The following TCF7L2 variants were observed in gnomAD, a reference collection of about 807,000 sequenced individuals.
The protein encoded by TCF7L2 is transcription factor 7-like 2.
TCF7L2 carries 23 observed loss-of-function variants against 77.9 expected under a neutral mutation model. The ratio of observed to expected loss-of-function variants is 0.30; its 90% confidence interval spans 0.21 to 0.42. The LOEUF (loss-of-function observed/expected upper bound fraction) is 0.42. Ranked by LOEUF, TCF7L2 falls within the 10% of genes least tolerant of loss-of-function variation. TCF7L2 has a pLI of 1.00. For synonymous variants in TCF7L2, 413 were observed against 340.2 expected (o/e 1.21, Z -2.36); for missense variants, 654 against 793.1 (o/e 0.82, Z 2.11).
chr10:112,986,107 C>T (rs190685769), intron 4 of TCF7L2, among the ~76,000 whole-genome samples: 1 of 152,054 alleles, frequency 6.6e-6, no homozygotes, highest in East Asian at 1.9e-4. Flanking sequence ...GCCTTAGCCA[C>T]TTCCTCTTTC....
At chr10:113,096,184 G>T (rs964159717) in intron 5 of TCF7L2, among the ~76,000 whole-genome samples, 1 of 152,120 alleles carries the variant, frequency 6.6e-6, no homozygotes, top group Non-Finnish European at 1.5e-5. Flanking sequence ...CTGCAGGGGT[G>T]GTTTTGACTT....
intron 13 of TCF7L2, among the ~76,000 whole-genome samples, chr10:113,162,824 T>C (rs1045930360): frequency 6.6e-6 from 1 of 152,126 alleles, no homozygotes; most frequent in Non-Finnish European, 1.5e-5. Flanking sequence ...ACCCTTAGTT[T>C]CCTTTCAGAA....
At chr10:113,098,049 C>CAAAAAAAAAAAAA (rs34632183) in intron 5 of TCF7L2, among the ~76,000 whole-genome samples, 1 of 59,368 alleles carries the variant, frequency 1.7e-5, no homozygotes, top group Non-Finnish European at 3.1e-5. Flanking sequence ...GACTCTGTCT[C>CAAAAAAAAAAAAA]AAAAAAAAAA....
intron 3 of TCF7L2, among the ~76,000 whole-genome samples, chr10:112,957,144 C>T (rs2033838751): frequency 6.7e-6 from 1 of 150,264 alleles, no homozygotes; most frequent in African/African-American, 2.5e-5. Context: ...TCTTTTCTCC[C>T]TTTTTCCTTT....
intron 5 of TCF7L2, among the ~76,000 whole-genome samples, chr10:113,132,317 G>A (rs935853603): frequency 6.6e-6 from 1 of 152,214 alleles, no homozygotes; most frequent in Non-Finnish European, 1.5e-5. Flanking sequence ...GCTGAGATTC[G>A]AAAGTTAGGC....
At chr10:112,957,996 A>G (rs2034112746) in intron 3 of TCF7L2, among the ~76,000 whole-genome samples, 1 of 152,196 alleles carries the variant, frequency 6.6e-6, no homozygotes, top group Admixed American at 6.5e-5. Context: ...TTAAAGACCC[A>G]GGCCGAAAGG....
rs1038736935 is a variant in TCF7L2, at chr10:113,107,674, C to T, written c.553-33510C>T. On this transcript the variant is annotated intron_variant, in intron 5 of 13. Coordinates refer to ENST00000627217, the MANE Select transcript of TCF7L2 (RefSeq NM_001146274.2). ...AGGAGAATGGCGTGAACCCGGGAGG[C>T]GGAGCTTACAGCGAGCTTGCAGTGA... Among the ~76,000 whole-genome samples, 10 of 137,336 alleles carry T rather than the reference C, an allele frequency of 7.3e-5. No homozygotes were observed. In the South Asian group the frequency reaches 1.5e-3, roughly 20 times the overall value. The allele number at this position is 137,336 out of a possible 152,430, so 90.1% of individuals were successfully genotyped here.
rs2074052642 is a variant in TCF7L2, at chr10:113,166,582, G to A, written c.*610G>A. 1 of 228,016 alleles carries A rather than the reference G, an allele frequency of 4.4e-6. No homozygotes were observed. The highest frequency in any genetic ancestry group is 2.2e-5 in the African/African-American group (1 of 44,908). The allele number at this position is 228,016 out of a possible 1,614,324, so 14.1% of individuals were successfully genotyped here. A position where few individuals can be genotyped will look rare whatever the true frequency, so the allele number is the denominator to read the frequency against. ...ATGGTGTTGTTCTTTTGGGGGGAGGGGACGCTACTCAACACTTAATAGAAT... is the reference window on the plus strand; with the variant it reads ...ATGGTGTTGTTCTTTTGGGGGGAGGAGACGCTACTCAACACTTAATAGAAT... On this transcript the variant is annotated 3_prime_UTR_variant, in exon 14 of 14. Transcript: ENST00000627217.
chr10:112,973,131 G>A (rs931970943), intron 4 of TCF7L2, among the ~76,000 whole-genome samples: 20 of 152,336 alleles, frequency 1.3e-4, no homozygotes, highest in African/African-American at 4.8e-4. Context: ...GATTAGGTCA[G>A]TGTTTCACAA....
chr10:113,051,645 A>G (rs1169269884), intron 5 of TCF7L2, among the ~76,000 whole-genome samples: 1 of 152,212 alleles, frequency 6.6e-6, no homozygotes, highest in Non-Finnish European at 1.5e-5. Flanking sequence ...ATTATACACA[A>G]TCATCCCCCA....
In TCF7L2 at chr10:113,166,803, T is replaced by C. The variant is rs1428540848; in HGVS notation, c.*831T>C. 4.4e-6 allele frequency: 1 copy of C among 228,844 alleles called. No individual in the cohort carries two copies. Among genetic ancestry groups the C allele is most frequent in the Non-Finnish European group, 8.7e-6 (1 of 115,452 alleles). The allele number at this position is 228,844 out of a possible 1,614,324, so 14.2% of individuals were successfully genotyped here. On this transcript the variant is annotated 3_prime_UTR_variant, in exon 14 of 14. Coordinates refer to ENST00000627217, the MANE Select transcript of TCF7L2 (RefSeq NM_001146274.2). ...TTATATATAAAATGTGTATATATAT[T>C]TTTGTTTCCCCTTTTTGACTTTTTT...
intron 5 of TCF7L2, among the ~76,000 whole-genome samples, chr10:113,064,628 G>A (rs958945779): frequency 2.0e-5 from 3 of 152,190 alleles, no homozygotes; most frequent in African/African-American, 4.8e-5. Flanking sequence ...GGCATGCACT[G>A]TAGCTGGTCT....
At chr10:113,084,904 C>G (rs1180364365) in intron 5 of TCF7L2, among the ~76,000 whole-genome samples, 1 of 150,040 alleles carries the variant, frequency 6.7e-6, no homozygotes, top group African/African-American at 2.5e-5. Flanking sequence ...TCAAGCCACC[C>G]CCCCCCAAAA....
intron 4 of TCF7L2, among the ~76,000 whole-genome samples, chr10:112,986,234 G>T (rs561599568): frequency 3.6e-4 from 54 of 152,014 alleles, no homozygotes; most frequent in Non-Finnish European, 7.1e-4. Flanking sequence ...GAGCTTGCAT[G>T]GGGGGAGTGA....
At chr10:113,053,507 G>A (rs1344917282) in intron 5 of TCF7L2, among the ~76,000 whole-genome samples, 1 of 152,162 alleles carries the variant, frequency 6.6e-6, no homozygotes, top group East Asian at 1.9e-4. Context: ...CTGTCCTGGA[G>A]CCTCAGTTAC....
intron 7 of TCF7L2, among the ~76,000 whole-genome samples, chr10:113,145,778 T>C (rs576925484): frequency 2.0e-5 from 3 of 152,326 alleles, no homozygotes; most frequent in East Asian, 3.9e-4. Flanking sequence ...AGGGTCTCTA[T>C]TGACATAAGC....
chr10:113,089,526 C>T (rs1564879745), intron 5 of TCF7L2: 1 of 1,613,796 alleles, frequency 6.2e-7, no homozygotes, highest in Non-Finnish European at 8.5e-7. Flanking sequence ...AGTTGGGGAG[C>T]CCTGGTGTAT....
intron 5 of TCF7L2, among the ~76,000 whole-genome samples, chr10:113,102,824 G>A (rs534863455): frequency 2.6e-5 from 4 of 152,256 alleles, no homozygotes; most frequent in Admixed American, 6.5e-5. Flanking sequence ...TATGCATCAT[G>A]TATTAAAAAT....
chr10:113,150,833 AT>A (rs2070604196), intron 8 of TCF7L2, 164 bp from the exon 9 acceptor site: 1 of 805,284 alleles, frequency 1.2e-6, no homozygotes, highest in African/African-American at 1.7e-5. Flanking sequence ...GAGAATCATT[AT>A]GTTTAATTTA....
Sources: allele counts gnomAD v4.1 joint callset (sites outside exome capture counted in the v4.1 genomes callset), GRCh38; gene constraint gnomAD v4.1.1; transcripts MANE v1.5; gene names NCBI Gene and HGNC (gene_info 2026-07-23, HGNC 2026-07-21).